Variants in EFR3A observed in about 807,000 individuals in gnomAD.
EFR3A encodes protein EFR3 homolog A.
A neutral mutation model predicts 104.4 loss-of-function variants in EFR3A; 76 were observed. The observed-to-expected ratio is 0.73, with a 90% CI of 0.60 to 0.88. The LOEUF (loss-of-function observed/expected upper bound fraction) is 0.88, where lower values mean the gene tolerates loss of function less well. EFR3A is among the 40% of genes least tolerant of loss of function. The pLI, the probability that EFR3A is intolerant of heterozygous loss-of-function variation, is 0.00. For missense variants in EFR3A, 985 were observed against 1,012.5 expected, an observed-to-expected ratio of 0.97 and a Z score of 0.37; for synonymous variants, 330 against 330.0, an observed-to-expected ratio of 1.00 and a Z score of 0.00.
chr8:132,010,648 T>G (rs936441023), intron 22 of EFR3A, 142 bp from the exon 23 acceptor site: 8 of 965,662 alleles, frequency 8.3e-6, no homozygotes, highest in Non-Finnish European at 1.2e-5. Flanking sequence ...TGCAGCCTTG[T>G]AGCTGGCCAG....
chr8:131,932,026 A>T (rs1039691218), intron 1 of EFR3A, among the ~76,000 whole-genome samples: 30 of 152,096 alleles, frequency 2.0e-4, no homozygotes, highest in African/African-American at 5.6e-4. Flanking sequence ...ATGCCAAATT[A>T]TATAAATTCC....
chr8:131,940,855 T>A (rs1359728086), intron 2 of EFR3A, among the ~76,000 whole-genome samples: 1 of 152,162 alleles, frequency 6.6e-6, no homozygotes, highest in Non-Finnish European at 1.5e-5. Flanking sequence ...GTCGCATTAA[T>A]TTATGTTCAT....
rs371344394 is a variant in EFR3A, at chr8:131,919,634, G to A, written c.10+15312G>A. ...AAAAAAAAAATTTACCTGTTTTAAC[G>A]GTATGAGGAAACTTGATTTTTACAT... On this transcript the variant is annotated intron_variant, in intron 1 of 22. Transcript: ENST00000254624. Among the ~76,000 whole-genome samples, 8 of 151,060 alleles carry A rather than the reference G, an allele frequency of 5.3e-5. No individual in the cohort carries two copies. The East Asian group carries it at 9.7e-4, about 18-fold the overall frequency.
At position 132,002,641 on chromosome 8, in the gene EFR3A, C is replaced by T. The variant is rs1473482447; in HGVS notation, c.2245C>T (p.Arg749Cys). The part of the protein sequence containing the change: ...GMEEQEKEKR[R>C]LVIEKFQKAP... ...GGAAGAACAGGAAAAGGAAAAGAGG[C>T]GTCTTGTGATAGAGAAATTTCAGAA... The change falls in exon 21 of 23, where the codon CGT (arginine) becomes TGT (cysteine). Residue 749 changes from arginine (R) to cysteine (C), a missense_variant. By Grantham distance (180) the Arg-to-Cys change is radical (BLOSUM62 -3). Transcript: ENST00000254624. The T allele has an allele frequency of 1.9e-5, 31 of 1,613,422 alleles. No homozygotes were observed. Among genetic ancestry groups the T allele is most frequent in the Non-Finnish European group, 2.3e-5 (27 of 1,179,674 alleles).
intron 8 of EFR3A, among the ~76,000 whole-genome samples, chr8:131,966,214 AAAAT>A (rs762683675): frequency 1.8e-4 from 28 of 151,894 alleles, no homozygotes; most frequent in Admixed American, 3.3e-4. Flanking sequence ...GTTTAATAAA[AAAAT>A]AAATAAATAA....
At chr8:131,953,703 T>C (rs1477914649) in intron 5 of EFR3A, 115 bp from the exon 6 acceptor site, 1 of 999,426 alleles carries the variant, frequency 1.0e-6, no homozygotes, top group Non-Finnish European at 1.4e-6. Context: ...TTTTAAGATA[T>C]TTTATTGATA....
chr8:131,959,540 GT>G (rs757339130), intron 7 of EFR3A, 44 bp from the exon 8 acceptor site: 38 of 1,504,108 alleles, frequency 2.5e-5, no homozygotes, highest in Non-Finnish European at 3.4e-5. Context: ...GAGGAAGAAA[GT>G]ATAGTAAAAT....
At chr8:132,009,272 T>G (rs1822200288) in intron 22 of EFR3A, among the ~76,000 whole-genome samples, 1 of 152,068 alleles carries the variant, frequency 6.6e-6, no homozygotes, top group Non-Finnish European at 1.5e-5. Flanking sequence ...CTTAAGAATA[T>G]TTATATAAAT....
At chr8:131,908,093 C>G (rs2130366320) in intron 1 of EFR3A, among the ~76,000 whole-genome samples, 1 of 151,604 alleles carries the variant, frequency 6.6e-6, no homozygotes, top group Non-Finnish European at 1.5e-5. Context: ...GGGAGTCTCG[C>G]TCTGTCGCCC....
In EFR3A at chr8:131,984,254, A is replaced by G. The variant is rs1021053434; in HGVS notation, c.1691A>G (p.Asn564Ser). The G allele has an allele frequency of 6.2e-7, 1 of 1,608,892 alleles. No individual in the cohort carries two copies. Among genetic ancestry groups the G allele is most frequent in the Non-Finnish European group, 8.5e-7 (1 of 1,177,666 alleles). Residue 564 changes from asparagine (N) to serine (S), a missense_variant, in exon 15 of 23, where the codon AAT becomes AGT. Transcript: ENST00000254624. Reference protein sequence around the residue: ...SLALITIELANEEVVIDLIRL... With the variant: ...SLALITIELASEEVVIDLIRL... ...GCTCTTATAACTATTGAACTGGCTAATGAAGAAGTAGTTATTGATCTCATT... is the reference window on the plus strand; with the variant it reads ...GCTCTTATAACTATTGAACTGGCTAGTGAAGAAGTAGTTATTGATCTCATT...
rs1191205490 is a variant in EFR3A at position 131,955,787 on chromosome 8, TCTC to T, written c.661_663del (p.Pro221del). The T allele has an allele frequency of 5.0e-6, 8 of 1,613,042 alleles. No homozygotes were observed. Among genetic ancestry groups the T allele is most frequent in the East Asian group, 4.5e-5 (2 of 44,874 alleles). ...TTTTAGTCGCATAGGCCCTCCTTCT[TCTC>T]CTTCTGCAACTGACAAAGAAGAGAA... On this transcript the variant is annotated inframe_deletion, in exon 7 of 23. Transcript: ENST00000254624.
intron 1 of EFR3A, among the ~76,000 whole-genome samples, chr8:131,926,063 G>A (rs570045486): frequency 6.6e-6 from 1 of 151,916 alleles, no homozygotes; most frequent in East Asian, 1.9e-4. Flanking sequence ...ATCTATTATA[G>A]GGTTATAGTT....
At chr8:131,953,073 T>G (rs977052658) in intron 5 of EFR3A, among the ~76,000 whole-genome samples, 1 of 152,162 alleles carries the variant, frequency 6.6e-6, no homozygotes, top group Non-Finnish European at 1.5e-5. Context: ...GAAACTGTTT[T>G]CTAGTCACTT....
intron 7 of EFR3A, among the ~76,000 whole-genome samples, chr8:131,958,069 T>C (rs976121217): frequency 3.9e-5 from 6 of 152,200 alleles, no homozygotes; most frequent in Non-Finnish European, 8.8e-5. Context: ...AGGGCCAGTA[T>C]GTTAGCAGGT....
intron 8 of EFR3A, among the ~76,000 whole-genome samples, chr8:131,967,932 C>G (rs1157647779): frequency 6.6e-6 from 1 of 151,782 alleles, no homozygotes; most frequent in African/African-American, 2.4e-5. Flanking sequence ...TTTATAAATG[C>G]ACTTTGAAAT....
intron 1 of EFR3A, among the ~76,000 whole-genome samples, chr8:131,913,020 A>T (rs1452247799): frequency 6.6e-6 from 1 of 150,764 alleles, no homozygotes. Flanking sequence ...AGGAGGAGGA[A>T]ATAATTTCTG....
rs372996175 is a variant in EFR3A at position 131,940,541 on chromosome 8, G to A, written c.53G>A (p.Arg18His). ...TCCGCTTTGCGTCCTCGCTACAAAC[G>A]CCTGGTGGACAACATATTCCCTGAA... is the stretch of plus-strand genomic sequence containing the variant. The part of the protein sequence containing the change: ...CCSALRPRYK[R>H]LVDNIFPEDP... The change falls in exon 2 of 23, where the codon CGC (arginine) becomes CAC (histidine). Residue 18 changes from arginine to histidine, a missense_variant. By Grantham distance (29) the Arg-to-His change is conservative (BLOSUM62 0). Coordinates refer to ENST00000254624, the MANE Select transcript of EFR3A (RefSeq NM_015137.6). The A allele has an allele frequency of 5.6e-6, 9 of 1,607,412 alleles. No homozygotes were observed. The highest frequency in any genetic ancestry group is 2.7e-5 in the African/African-American group (2 of 74,214).
intron 1 of EFR3A, among the ~76,000 whole-genome samples, chr8:131,932,790 G>T (rs1270162693): frequency 6.6e-6 from 1 of 152,022 alleles, no homozygotes; most frequent in Non-Finnish European, 1.5e-5. Context: ...AAGTGCTTTT[G>T]TTAGACTGCA....
At chr8:131,958,102 A>G (rs1349815901) in intron 7 of EFR3A, among the ~76,000 whole-genome samples, 2 of 152,194 alleles carry the variant, frequency 1.3e-5, no homozygotes, top group African/African-American at 2.4e-5. Context: ...ATTCTTGACA[A>G]GTGCATATGC....
Sources: allele counts gnomAD v4.1 joint callset (sites outside exome capture counted in the v4.1 genomes callset), GRCh38; gene constraint gnomAD v4.1.1; transcripts MANE v1.5; gene names NCBI Gene and HGNC (gene_info 2026-07-23, HGNC 2026-07-21).